Variants in ATP6V1A observed in about 807,000 individuals in gnomAD.
ATP6V1A encodes the protein V-type proton ATPase catalytic subunit A.
ATP6V1A carries 18 observed loss-of-function variants against 70.1 expected under a neutral mutation model. That is an observed-to-expected ratio of 0.26 (90% confidence interval 0.18 to 0.38). The LOEUF (loss-of-function observed/expected upper bound fraction) is 0.38, where lower values mean the gene tolerates loss of function less well. ATP6V1A is among the 10% of genes least tolerant of loss of function. The probability of loss-of-function intolerance (pLI) is 1.00; values close to 1 mark genes in which losing one functional copy is unlikely to be tolerated. For synonymous variants in ATP6V1A, 232 were observed against 253.8 expected (o/e 0.91, Z 0.82); for missense variants, 424 against 772.4 (o/e 0.55, Z 5.35).
intron 1 of ATP6V1A, among the ~76,000 whole-genome samples, chr3:113,776,778 C>T (rs1708917659): frequency 6.6e-6 from 1 of 152,232 alleles, no homozygotes; most frequent in Admixed American, 6.5e-5. Context: ...TTTACCCTTA[C>T]ATCCTTATTT....
At chr3:113,780,886 A>C in intron 2 of ATP6V1A, 164 bp from the exon 3 acceptor site, 1 of 1,281,306 alleles carries the variant, frequency 7.8e-7, no homozygotes, top group Non-Finnish European at 1.0e-6. Flanking sequence ...ACTAAAATAT[A>C]TATCTATGTG....
chr3:113,806,455 C>A, intron 14 of ATP6V1A, among the ~76,000 whole-genome samples: 1 of 151,842 alleles, frequency 6.6e-6, no homozygotes, highest in East Asian at 1.9e-4. Context: ...TACTGCAGGT[C>A]ATTTTTTAAC....
chr3:113,782,574 GTATATATATACACATA>G (rs1559755593), intron 3 of ATP6V1A, among the ~76,000 whole-genome samples: 8 of 135,098 alleles, frequency 5.9e-5, no homozygotes, highest in African/African-American at 2.2e-4. Flanking sequence ...ATATATATAC[GTATATATATACACATA>G]TATATATATA....
At chr3:113,795,782 T>C in intron 10 of ATP6V1A, 94 bp from the exon 11 acceptor site, 4 of 990,130 alleles carry the variant, frequency 4.0e-6, no homozygotes, top group Non-Finnish European at 4.4e-6. Context: ...TAAAATCGAC[T>C]TTAAAAAAAG....
At chr3:113,803,761 A>G in intron 13 of ATP6V1A, 84 bp downstream of exon 13, 3 of 1,023,534 alleles carry the variant, frequency 2.9e-6, no homozygotes, top group South Asian at 3.0e-5. Flanking sequence ...ACCCTTTTTT[A>G]TTCTCATACA....
intron 12 of ATP6V1A, 129 bp downstream of exon 12, chr3:113,798,575 A>C (rs931113071): frequency 2.6e-5 from 20 of 770,042 alleles, no homozygotes; most frequent in Middle Eastern, 4.3e-4. Context: ...TTTTAATTGA[A>C]ATTTTCTATT....
At chr3:113,779,862 T>G (rs1294217453) in intron 2 of ATP6V1A, among the ~76,000 whole-genome samples, 2 of 152,200 alleles carry the variant, frequency 1.3e-5, no homozygotes, top group African/African-American at 2.4e-5. Context: ...TTAAAAATTT[T>G]TTTAAATTTT....
At position 113,790,939 on chromosome 3, in the gene ATP6V1A, T is replaced by A. The variant is rs555575221; in HGVS notation, c.988+1099T>A. On this transcript the variant is annotated intron_variant, in intron 8 of 14. Transcript: ENST00000273398. ...ATTAAAAGCTGAAGCTGGCCTCTTT[T>A]TTTCCTTTTGTAGGTGATTTTTCTC... Among the ~76,000 whole-genome samples the A allele has an allele frequency of 3.9e-5, 6 of 152,278 alleles. No homozygotes were observed. The South Asian group carries it at 8.3e-4, about 21-fold the overall frequency.
At position 113,803,667 on chromosome 3, in the gene ATP6V1A, C is replaced by T. The variant is rs1376205169; in HGVS notation, c.1579C>T (p.Pro527Ser). The change falls in exon 13 of 15, where the codon CCT becomes TCT. Residue 527 changes from proline to serine, a missense_variant. Around this residue, in one of 9 missense-constraint regions of ATP6V1A, gnomAD observed 127 missense variants for 207.9 expected, o/e 0.61. Transcript: ENST00000273398. Reference sequence around the variant, plus strand: ...TTTCCTACAACAAAATGGATATACTCCTTATGACAGGTAAGCTATATTGAT... The same window carrying T: ...TTTCCTACAACAAAATGGATATACTTCTTATGACAGGTAAGCTATATTGAT... The part of the protein sequence containing the change: ...DDFLQQNGYT[P>S]YDRFCPFYKT... 1 of 1,598,592 alleles carries T rather than the reference C, an allele frequency of 6.3e-7. No homozygotes were observed. The highest frequency in any genetic ancestry group is 8.6e-7 in the Non-Finnish European group (1 of 1,167,620).
chr3:113,766,581 C>G (rs572895932), intron 1 of ATP6V1A, among the ~76,000 whole-genome samples: 1 of 152,290 alleles, frequency 6.6e-6, no homozygotes, highest in East Asian at 1.9e-4. Context: ...AGGCATGAGC[C>G]ACTGCATCCA....
At chr3:113,800,189 G>A (rs1709195333) in intron 12 of ATP6V1A, among the ~76,000 whole-genome samples, 1 of 148,712 alleles carries the variant, frequency 6.7e-6, no homozygotes, top group Non-Finnish European at 1.5e-5. Flanking sequence ...CCGAAATCAC[G>A]CCACTGCACT....
At position 113,811,648 on chromosome 3, in the gene ATP6V1A, C is replaced by T. The variant is rs1377726726; in HGVS notation, c.*2221C>T. 1 of 152,332 alleles carries T rather than the reference C, an allele frequency of 6.6e-6. No homozygotes were observed. Among genetic ancestry groups the T allele is most frequent in the East Asian group, 1.9e-4 (1 of 5,196 alleles). The allele number at this position is 152,332 out of a possible 1,614,324, so 9.4% of individuals were successfully genotyped here. On this transcript the variant is annotated 3_prime_UTR_variant, in exon 15 of 15. Coordinates refer to ENST00000273398, the MANE Select transcript of ATP6V1A (RefSeq NM_001690.4). ...TTTGAATTTGAAATCATTCTTATTC[C>T]CTTTAAGAATGTTTATGTATGAGTG...
At chr3:113,775,574 T>TG (rs34097108) in intron 1 of ATP6V1A, among the ~76,000 whole-genome samples, 55,154 of 151,990 alleles carry the variant, frequency 0.36, 10,073 homozygotes, top group African/African-American at 0.41. Context: ...GCAAGTCTGG[T>TG]GGGTAGGTGG....
In ATP6V1A at chr3:113,798,432, C is replaced by T. The variant is rs1709176630; in HGVS notation, c.1480C>T (p.Gln494Ter). ...QEEEDLAEIV[Q>*]LVGKASLAET... ...AGAAGAAGACCTGGCAGAAATTGTA[C>T]AGCTTGTGGGAAAGGTGAGTTGTTA... Residue 494 changes from glutamine to a stop codon, truncating the protein, a stop_gained, in exon 12 of 15, where the codon CAG becomes TAG. Coordinates refer to ENST00000273398, the MANE Select transcript of ATP6V1A (RefSeq NM_001690.4). LOFTEE classifies it high-confidence loss of function. The T allele has an allele frequency of 6.2e-7, 1 of 1,613,602 alleles. No individual in the cohort carries two copies. Among genetic ancestry groups the T allele is most frequent in the African/African-American group, 1.3e-5 (1 of 74,880 alleles).
At chr3:113,767,239 A>G (rs766850794) in intron 1 of ATP6V1A, among the ~76,000 whole-genome samples, 15 of 151,658 alleles carry the variant, frequency 9.9e-5, no homozygotes, top group Non-Finnish European at 1.8e-4. Context: ...TTACAGGCAC[A>G]CGCCGCCATG....
At chr3:113,784,183 T>C (rs1709012675) in intron 3 of ATP6V1A, 41 bp from the exon 4 acceptor site, 1 of 1,559,038 alleles carries the variant, frequency 6.4e-7, no homozygotes, top group Non-Finnish European at 8.8e-7. Flanking sequence ...AATTGTGTCT[T>C]TAAACCTTCA....
chr3:113,759,402 A>G (rs1439219185), intron 1 of ATP6V1A, among the ~76,000 whole-genome samples: 5 of 151,364 alleles, frequency 3.3e-5, no homozygotes, highest in African/African-American at 4.8e-5. Flanking sequence ...CCAGTTGTCC[A>G]TATATGTGTT....
chr3:113,795,857 A>G lies in ATP6V1A; in HGVS notation c.1227-19A>G, dbSNP rs373780225. Reference sequence around the variant, plus strand: ...AATGACCATTTTTTTTGTAATGACCATATTTTTTTTAAATTTAGAGTTTCT... The same window carrying G: ...AATGACCATTTTTTTTGTAATGACCGTATTTTTTTTAAATTTAGAGTTTCT... On this transcript the variant is annotated intron_variant, in intron 10 of 14. Coordinates refer to ENST00000273398, the MANE Select transcript of ATP6V1A (RefSeq NM_001690.4). The G allele has an allele frequency of 7.5e-6, 12 of 1,594,014 alleles. No homozygotes were observed. In the African/African-American group the frequency reaches 8.1e-5, roughly 11 times the overall value.
At chr3:113,773,314 G>A (rs1004654691) in intron 1 of ATP6V1A, among the ~76,000 whole-genome samples, 1 of 152,070 alleles carries the variant, frequency 6.6e-6, no homozygotes, top group African/African-American at 2.4e-5. Flanking sequence ...GCAAATTTAT[G>A]GATCTAGTGA....
Sources: gnomAD v4.1 joint callset for allele counts (sites outside exome capture counted in the v4.1 genomes callset) on GRCh38, gnomAD v4.1.1 for gene constraint, gnomAD v4.1.1 regional missense constraint, MANE v1.5 for transcripts, NCBI Gene and HGNC (gene_info 2026-07-23, HGNC 2026-07-21) for gene names.